The following NBAS variants were observed in gnomAD, a reference collection of about 807,000 sequenced individuals.
The protein encoded by NBAS is NBAS subunit of NRZ tethering complex, also known as NAG/BC035112 fusion.
A neutral mutation model predicts 302.5 loss-of-function variants in NBAS; 219 were observed. That is an observed-to-expected ratio of 0.72 (90% CI 0.65 to 0.81). The LOEUF is 0.81. Among genes scored for constraint, NBAS ranks in the 30% least tolerant of loss-of-function variants. NBAS has a pLI of 0.00. For synonymous variants in NBAS, 1,118 were observed against 1,021.6 expected, an observed-to-expected ratio of 1.09 and a Z score of -1.80; for missense variants, 2,932 against 2,841.6, an observed-to-expected ratio of 1.03 and a Z score of -0.72.
At chr2:15,224,895 T>C (rs566541178) in intron 47 of NBAS, among the ~76,000 whole-genome samples, 1 of 152,290 alleles carries the variant, frequency 6.6e-6, no homozygotes, top group South Asian at 2.1e-4. Flanking sequence ...GGCAGACACT[T>C]CCCAGGAGAA....
the NBAS span, among the ~76,000 whole-genome samples, chr2:14,953,229 G>C: frequency 2.6e-5 from 4 of 152,162 alleles, no homozygotes; most frequent in African/African-American, 4.8e-5. Context: ...TGGAGGGAGA[G>C]ACAGAGCACC....
intron 44 of NBAS, among the ~76,000 whole-genome samples, chr2:15,261,938 G>T (rs1668871698): frequency 6.6e-6 from 1 of 152,112 alleles, no homozygotes; most frequent in Admixed American, 6.5e-5. Context: ...ATCAAATGTT[G>T]ATATGAAAAT....
At chr2:15,121,349 G>A in the NBAS span, among the ~76,000 whole-genome samples, 1 of 152,170 alleles carries the variant, frequency 6.6e-6, no homozygotes, top group African/African-American at 2.4e-5. Context: ...GGGACTTCAG[G>A]GAACAACCCT....
intron 32 of NBAS, among the ~76,000 whole-genome samples, chr2:15,360,657 T>C (rs1011386767): frequency 6.8e-6 from 1 of 147,094 alleles, no homozygotes; most frequent in Admixed American, 6.7e-5. Context: ...GCCTTTTTTT[T>C]TTTTTTTTTT....
the NBAS span, among the ~76,000 whole-genome samples, chr2:14,971,749 C>T: frequency 6.6e-6 from 1 of 152,168 alleles, no homozygotes; most frequent in Non-Finnish European, 1.5e-5. Context: ...ACTCACCATG[C>T]TTGTGGAGTC....
chr2:15,246,479 G>A (rs1220769627), intron 44 of NBAS, among the ~76,000 whole-genome samples: 1 of 152,160 alleles, frequency 6.6e-6, no homozygotes, highest in Non-Finnish European at 1.5e-5. Flanking sequence ...AACATACGGA[G>A]AAAACAAAGA....
At chr2:15,179,847 T>C (rs918159057) in intron 50 of NBAS, 18 of 152,262 alleles carry the variant, frequency 1.2e-4, no homozygotes, top group African/African-American at 4.3e-4. Flanking sequence ...TCGTATAAGG[T>C]AACAAATGAT....
At chr2:15,408,724 A>C (rs1303618548) in intron 25 of NBAS, among the ~76,000 whole-genome samples, 1 of 152,216 alleles carries the variant, frequency 6.6e-6, no homozygotes. Context: ...TAAATCCCTA[A>C]TGCATCAGTA....
the NBAS span, among the ~76,000 whole-genome samples, chr2:15,037,263 C>A: frequency 6.6e-6 from 1 of 152,130 alleles, no homozygotes; most frequent in East Asian, 1.9e-4. Flanking sequence ...GAATGCAAGG[C>A]CAAAGTGGGG....
the NBAS span, among the ~76,000 whole-genome samples, chr2:14,978,843 C>T: frequency 2.6e-5 from 4 of 152,168 alleles, no homozygotes; most frequent in African/African-American, 9.7e-5. Context: ...CCCTTTTTCC[C>T]CCATTTCAAC....
At chr2:14,783,334 T>A in the NBAS span, among the ~76,000 whole-genome samples, 3 of 151,904 alleles carry the variant, frequency 2.0e-5, no homozygotes, top group African/African-American at 7.3e-5. Flanking sequence ...ATTATTATTA[T>A]TATACTTTAA....
At chr2:14,910,629 T>G in the NBAS span, among the ~76,000 whole-genome samples, 1 of 152,226 alleles carries the variant, frequency 6.6e-6, no homozygotes, top group African/African-American at 2.4e-5. Flanking sequence ...CACTTGATTT[T>G]GAGTTTCATG....
At chr2:15,360,622 T>C (rs1158747993) in intron 32 of NBAS, among the ~76,000 whole-genome samples, 1 of 150,878 alleles carries the variant, frequency 6.6e-6, no homozygotes, top group Non-Finnish European at 1.5e-5. Context: ...AGTGTTGGGA[T>C]TAGAAGTCTG....
chr2:14,882,663 C>T, the NBAS span, among the ~76,000 whole-genome samples: 1 of 152,128 alleles, frequency 6.6e-6, no homozygotes, highest in Non-Finnish European at 1.5e-5. Context: ...ATCTCTCTTC[C>T]CACCAAATGA....
At position 15,475,878 on chromosome 2, in the gene NBAS, T is replaced by G; in HGVS notation, c.1150A>C (p.Lys384Gln). 1 of 1,612,190 alleles carries G rather than the reference T, an allele frequency of 6.2e-7. No homozygotes were observed. Among genetic ancestry groups the G allele is most frequent in the Middle Eastern group, 1.7e-4 (1 of 6,056 alleles). ...TCTATCAGTGGGTAAAAGGACTCTTTATCTAAGAAGCGAAAAACAAATCAA... is the reference window on the plus strand; with the variant it reads ...TCTATCAGTGGGTAAAAGGACTCTTGATCTAAGAAGCGAAAAACAAATCAA... ...STEKRKKIKD[K>Q]ESFYPLIDVN... Residue 384 changes from lysine (K) to glutamine (Q), a missense_variant and splice_region_variant, in exon 14 of 52, where the codon AAA becomes CAA. Physicochemically the swap from Lys to Gln is moderately conservative, Grantham distance 53 (BLOSUM62 1). Transcript: ENST00000281513.
chr2:15,475,136 G>A (rs1439792192), intron 14 of NBAS, among the ~76,000 whole-genome samples: 1 of 152,058 alleles, frequency 6.6e-6, no homozygotes. Context: ...TTTCTTTAAG[G>A]AACATCTTTA....
the NBAS span, among the ~76,000 whole-genome samples, chr2:14,899,814 G>A: frequency 6.6e-6 from 1 of 151,868 alleles, no homozygotes; most frequent in Non-Finnish European, 1.5e-5. Context: ...GGGCCACCTG[G>A]AGCCCATGAT....
chr2:15,089,649 C>T, the NBAS span, among the ~76,000 whole-genome samples: 1 of 151,954 alleles, frequency 6.6e-6, no homozygotes, highest in African/African-American at 2.4e-5. Context: ...AAATACCTGC[C>T]CAGTGTTGTC....
At chr2:15,529,742 T>C (rs1043131993) in intron 9 of NBAS, among the ~76,000 whole-genome samples, 2 of 152,130 alleles carry the variant, frequency 1.3e-5, no homozygotes, top group African/African-American at 2.4e-5. Context: ...CTATCCCATT[T>C]CTAACAGCAA....
Sources: allele counts gnomAD v4.1 joint callset (sites outside exome capture counted in the v4.1 genomes callset), GRCh38; gene constraint gnomAD v4.1.1; transcripts MANE v1.5; gene names NCBI Gene and HGNC (gene_info 2026-07-23, HGNC 2026-07-21).